ALG1L2: variants seen among roughly 807,000 people sequenced by gnomAD.
ALG1L2 encodes ALG1 chitobiosyldiphosphodolichol beta-mannosyltransferase like 2.
ALG1L2 carries 32 observed loss-of-function variants against 29.0 expected under a neutral mutation model. The ratio of observed to expected loss-of-function variants is 1.10; its 90% CI spans 0.83 to 1.48. ALG1L2 has a LOEUF of 1.48. Ranked by LOEUF, ALG1L2 falls within the 40% of genes most tolerant of loss-of-function variation. The pLI, the probability that ALG1L2 is intolerant of heterozygous loss-of-function variation, is 0.00. For synonymous variants in ALG1L2, 110 were observed against 109.5 expected, an observed-to-expected ratio of 1.00 and a Z score of -0.03; for missense variants, 318 against 274.1, an observed-to-expected ratio of 1.16 and a Z score of -1.13.
At chr3:130,096,412 A>G (rs1170549792) in intron 6 of ALG1L2, among the ~76,000 whole-genome samples, 157 of 148,860 alleles carry the variant, frequency 1.1e-3, no homozygotes, top group African/African-American at 3.3e-3. Context: ...TGCCATTAAA[A>G]ATGGCAATTA....
intron 1 of ALG1L2, among the ~76,000 whole-genome samples, chr3:130,087,488 C>A (rs1323489039): frequency 7.5e-6 from 1 of 133,578 alleles, no homozygotes; most frequent in Non-Finnish European, 1.7e-5. Flanking sequence ...CTGGCGAAAT[C>A]TGAATGAGGT....
chr3:130,096,696 GC>G (rs1935142271), intron 6 of ALG1L2, among the ~76,000 whole-genome samples: 1 of 152,132 alleles, frequency 6.6e-6, no homozygotes, highest in South Asian at 2.1e-4. Context: ...AGTAGCCCCA[GC>G]AAAAGTTGCG....
Position 130,081,859 on chromosome 3 carries a change from G to C in ALG1L2, c.-158G>C. On this transcript the variant is annotated 5_prime_UTR_variant, in exon 1 of 8. Transcript: ENST00000425059. ...GGAGGTGACACCAGGAGGTAACCAG[G>C]TGGAAATCACCCTCAAGTAGCAGAG... The C allele has an allele frequency of 9.5e-7, 1 of 1,056,536 alleles. No homozygotes were observed. The highest frequency in any genetic ancestry group is 1.4e-6 in the Non-Finnish European group (1 of 709,690). The allele number at this position is 1,056,536 out of a possible 1,614,324, so 65.4% of individuals were successfully genotyped here. A position where few individuals can be genotyped will look rare whatever the true frequency, so the allele number is the denominator to read the frequency against.
intron 1 of ALG1L2, chr3:130,089,474 C>T: frequency 7.6e-6 from 1 of 130,936 alleles, no homozygotes; most frequent in Non-Finnish European, 1.6e-5. Context: ...ACTAGATTTC[C>T]AAGCCTTCAT....
chr3:130,096,086 C>T lies in ALG1L2; in HGVS notation c.462C>T (p.Ser154=), dbSNP rs748926013. The change falls in exon 6 of 8, where the codon TCC becomes TCT. Residue 154 remains serine (S), a synonymous_variant. Coordinates refer to ENST00000425059, the MANE Select transcript of ALG1L2 (RefSeq NM_001136152.1). The stretch of plus-strand genomic sequence containing the variant: ...TGGATGTCTGTCTGGACACGTCCTC[C>T]AGTGGCCTGGACCTGCCCATGAAGG... ...VDLDVCLDTS[S]SGLDLPMKVV... is the part of the protein sequence containing the mutation. The T allele has an allele frequency of 6.5e-7, 1 of 1,547,160 alleles. No homozygotes were observed. The highest frequency in any genetic ancestry group is 1.6e-5 in the African/African-American group (1 of 63,306).
At position 130,097,185 on chromosome 3, in the gene ALG1L2, C is replaced by A; in HGVS notation, c.550C>A (p.Leu184Met). The A allele has an allele frequency of 6.2e-7, 1 of 1,611,952 alleles. No homozygotes were observed. Among genetic ancestry groups the A allele is most frequent in the South Asian group, 1.1e-5 (1 of 90,990 alleles). The change falls in exon 7 of 8, where the codon CTG becomes ATG. Residue 184 changes from leucine (L) to methionine (M), a missense_variant. Physicochemically the swap from Leu to Met is conservative, Grantham distance 15. Coordinates refer to ENST00000425059, the MANE Select transcript of ALG1L2 (RefSeq NM_001136152.1). ...CAVNFKCLHE[L>M]VKHEENRLVF... is the part of the protein sequence containing the mutation. ...TTGTTCTCTCTGCAGTTTACATGAGCTGGTGAAACATGAAGAAAACCGCCT... is the reference window on the plus strand; with the variant it reads ...TTGTTCTCTCTGCAGTTTACATGAGATGGTGAAACATGAAGAAAACCGCCT...
chr3:130,082,726 C>A (rs1477363317), intron 1 of ALG1L2, among the ~76,000 whole-genome samples: 165 of 148,698 alleles, frequency 1.1e-3, no homozygotes, highest in African/African-American at 3.9e-3. Flanking sequence ...TTACCCCCGT[C>A]CCTTGCCACC....
At chr3:130,092,290 C>A (rs769065102) in intron 3 of ALG1L2, 68 bp downstream of exon 3, 4 of 1,586,246 alleles carry the variant, frequency 2.5e-6, no homozygotes, top group South Asian at 1.1e-5. Flanking sequence ...ATTCTCCTCA[C>A]CCCTGCCAGT....
chr3:130,092,075 C>G, intron 2 of ALG1L2, 26 bp from the exon 3 acceptor site: 1 of 1,612,020 alleles, frequency 6.2e-7, no homozygotes, highest in Non-Finnish European at 8.5e-7. Flanking sequence ...TGTGGCCTCT[C>G]ACAGGGTTTT....
chr3:130,093,779 G>C (rs1935069631), intron 4 of ALG1L2: 1 of 155,650 alleles, frequency 6.4e-6, no homozygotes, highest in Non-Finnish European at 1.4e-5. Context: ...AAGAGCCCCT[G>C]TCCCAGTTAC....
At position 130,091,354 on chromosome 3, in the gene ALG1L2, C is replaced by G. The variant is rs751841192; in HGVS notation, c.114C>G (p.His38Gln). The G allele has an allele frequency of 1.3e-5, 21 of 1,597,152 alleles. No homozygotes were observed. Among genetic ancestry groups the G allele is most frequent in the Middle Eastern group, 4.5e-4 (2 of 4,452 alleles). The change falls in exon 2 of 8, where the codon CAC becomes CAG. Residue 38 changes from histidine (H) to glutamine (Q), a missense_variant. His to Gln is a conservative substitution (Grantham distance 24). Transcript: ENST00000425059. ...HRLFMKLGST[H>Q]SPFRARSEPE... ...TCTTCATGAAGCTGGGCAGCACGCACTCTCCGTTCAGGGCCCGGTAGGCCT... is the reference window on the plus strand; with the variant it reads ...TCTTCATGAAGCTGGGCAGCACGCAGTCTCCGTTCAGGGCCCGGTAGGCCT...
At position 130,096,091 on chromosome 3, in the gene ALG1L2, G is replaced by A. The variant is rs747226899; in HGVS notation, c.467G>A (p.Gly156Asp). ...LDVCLDTSSSGLDLPMKVVDM... is the reference protein window; with the variant it reads ...LDVCLDTSSSDLDLPMKVVDM... ...GTCTGTCTGGACACGTCCTCCAGTG[G>A]CCTGGACCTGCCCATGAAGGTGGTG... is the stretch of plus-strand genomic sequence containing the variant. The change falls in exon 6 of 8, where the codon GGC becomes GAC. Residue 156 changes from glycine (G) to aspartate (D), a missense_variant. Coordinates refer to ENST00000425059, the MANE Select transcript of ALG1L2 (RefSeq NM_001136152.1). The A allele has an allele frequency of 6.2e-7, 1 of 1,610,844 alleles. No individual in the cohort carries two copies.
At position 130,085,645 on chromosome 3, in the gene ALG1L2, T is replaced by C. The variant is rs1472314825; in HGVS notation, c.20+3609T>C. On this transcript the variant is annotated intron_variant, in intron 1 of 7. Coordinates refer to ENST00000425059, the MANE Select transcript of ALG1L2 (RefSeq NM_001136152.1). ...TGACTATCTCCAAATATGTCACATTTTGAGGTACTGGGGGTCAGGACTCCA... is the reference window on the plus strand; with the variant it reads ...TGACTATCTCCAAATATGTCACATTCTGAGGTACTGGGGGTCAGGACTCCA... 3.3e-5 allele frequency among the ~76,000 whole-genome samples: 5 copies of C among 151,636 alleles called. 1 individual carries two copies. The highest frequency in any genetic ancestry group is 4.8e-5 in the African/African-American group (2 of 41,472).
At chr3:130,090,578 T>C (rs946550253) in intron 1 of ALG1L2, 1 of 152,512 alleles carries the variant, frequency 6.6e-6, no homozygotes, top group Admixed American at 6.5e-5. Flanking sequence ...ATCATAGTAA[T>C]TTACAACTTA....
chr3:130,083,080 T>G (rs576751300), intron 1 of ALG1L2, among the ~76,000 whole-genome samples: 1 of 132,580 alleles, frequency 7.5e-6, no homozygotes, highest in Non-Finnish European at 1.8e-5. Flanking sequence ...TCCTTTCAAT[T>G]CTTCCTTATG....
At chr3:130,085,259 C>T (rs1934866228) in intron 1 of ALG1L2, among the ~76,000 whole-genome samples, 1 of 149,290 alleles carries the variant, frequency 6.7e-6, no homozygotes, top group Non-Finnish European at 1.5e-5. Flanking sequence ...CGCACCTGGC[C>T]TCTTTTATTA....
At position 130,084,937 on chromosome 3, in the gene ALG1L2, G is replaced by T. The variant is rs77085179; in HGVS notation, c.20+2901G>T. Among the ~76,000 whole-genome samples, 11 of 109,172 alleles carry T rather than the reference G, an allele frequency of 1.0e-4. 1 individual carries two copies. The highest frequency in any genetic ancestry group is 1.9e-4 in the Non-Finnish European group (9 of 46,768). The allele number at this position is 109,172 out of a possible 152,430, so 71.6% of individuals were successfully genotyped here. On this transcript the variant is annotated intron_variant, in intron 1 of 7. Transcript: ENST00000425059. ...TAGTGTGTGTGTGTATATATATAGAGATATATATAATTTTATTTATTTATT... is the reference window on the plus strand; with the variant it reads ...TAGTGTGTGTGTGTATATATATAGATATATATATAATTTTATTTATTTATT...
chr3:130,082,041 G>A lies in ALG1L2; in HGVS notation c.20+5G>A. ...CATGGGAGCTACTGCAGGCTGGTAAGCAGGGGGGTGGTGCTGGTTGGATTG... is the reference window on the plus strand; with the variant it reads ...CATGGGAGCTACTGCAGGCTGGTAAACAGGGGGGTGGTGCTGGTTGGATTG... On this transcript the variant is annotated splice_donor_5th_base_variant and intron_variant, in intron 1 of 7. Transcript: ENST00000425059. The A allele has an allele frequency of 6.6e-7, 1 of 1,505,750 alleles. No homozygotes were observed. Among genetic ancestry groups the A allele is most frequent in the Non-Finnish European group, 9.0e-7 (1 of 1,108,408 alleles). The allele number at this position is 1,505,750 out of a possible 1,614,324, so 93.3% of individuals were successfully genotyped here.
rs760120632 is a variant in ALG1L2 at position 130,094,522 on chromosome 3, C to A, written c.424+9C>A. Reference sequence around the variant, plus strand: ...ACTACCCCCGCTTCTAGGTGAGAGGCCAGCAGGAGGCTCAGGGAGGAGGCG... The same window carrying A: ...ACTACCCCCGCTTCTAGGTGAGAGGACAGCAGGAGGCTCAGGGAGGAGGCG... On this transcript the variant is annotated intron_variant, in intron 5 of 7. Transcript: ENST00000425059. The A allele has an allele frequency of 7.5e-6, 12 of 1,590,750 alleles. No individual in the cohort carries two copies. Among genetic ancestry groups the A allele is most frequent in the African/African-American group, 1.3e-5 (1 of 74,776 alleles).
Sources: allele counts gnomAD v4.1 joint callset (sites outside exome capture counted in the v4.1 genomes callset), GRCh38; gene constraint gnomAD v4.1.1; transcripts MANE v1.5; gene names NCBI Gene and HGNC (gene_info 2026-07-23, HGNC 2026-07-21).